The following CEP112 variants were observed in gnomAD, a reference collection of about 807,000 sequenced individuals.
CEP112 encodes centrosomal protein 112, also known as centrosomal protein of 112 kDa.
Under a neutral mutation model 153.0 loss-of-function variants are expected in CEP112, and 127 were observed. The ratio of observed to expected loss-of-function variants is 0.83; its 90% CI spans 0.72 to 0.96. The LOEUF is 0.96. CEP112 is among the 40% of genes least tolerant of loss of function. CEP112 has a pLI of 0.00. For synonymous variants in CEP112, 358 were observed against 374.4 expected (o/e 0.96, Z 0.51); for missense variants, 1,089 against 1,101.2 (o/e 0.99, Z 0.16).
intron 16 of CEP112, among the ~76,000 whole-genome samples, chr17:66,010,581 G>A (rs140359945): frequency 1.1e-3 from 166 of 152,220 alleles, no homozygotes; most frequent in Non-Finnish European, 1.6e-3. Flanking sequence ...TCAGTATTAC[G>A]TTGGCTGTGG....
intron 21 of CEP112, among the ~76,000 whole-genome samples, chr17:65,834,781 A>ACT (rs2057235388): frequency 6.6e-6 from 1 of 152,220 alleles, no homozygotes; most frequent in African/African-American, 2.4e-5. Context: ...TGTGGAAGGC[A>ACT]GTATGGCCAT....
intron 20 of CEP112, among the ~76,000 whole-genome samples, chr17:65,859,650 T>C (rs780261767): frequency 1.3e-5 from 2 of 150,492 alleles, no homozygotes; most frequent in African/African-American, 2.4e-5. Context: ...CCTTTTAAAC[T>C]AGGAAGAAGA....
chr17:66,076,950 G>C (rs2067525076), intron 8 of CEP112, among the ~76,000 whole-genome samples: 1 of 152,178 alleles, frequency 6.6e-6, no homozygotes, highest in South Asian at 2.1e-4. Flanking sequence ...CCAGAAGAGA[G>C]ATAACCATCA....
intron 23 of CEP112, among the ~76,000 whole-genome samples, chr17:65,720,676 G>C (rs912211486): frequency 3.3e-5 from 5 of 152,130 alleles, no homozygotes; most frequent in African/African-American, 1.2e-4. Context: ...GATTAAGATA[G>C]ATTTATTTAA....
rs914246743 is a variant in CEP112 at position 65,966,944 on chromosome 17, C to A, written c.1737-5346G>T. On this transcript the variant is annotated intron_variant, in intron 17 of 26. Transcript: ENST00000535342. ...TCAACATAATCAATGCATGCAGGGC[C>A]ACAAGCCAAGGAACTGGGGCAGTGT... Among the ~76,000 whole-genome samples, 5 of 152,124 alleles carry A rather than the reference C, an allele frequency of 3.3e-5. No homozygotes were observed. In the East Asian group the frequency reaches 9.6e-4, roughly 29 times the overall value.
intron 19 of CEP112, among the ~76,000 whole-genome samples, chr17:65,920,299 T>A (rs1457447549): frequency 7.1e-6 from 1 of 140,160 alleles, no homozygotes; most frequent in East Asian, 2.2e-4. Flanking sequence ...TGAGCCGAGA[T>A]TGCACCACTG....
At chr17:66,096,681 TTTAA>T in intron 6 of CEP112, 49 bp from the exon 7 acceptor site, 5 of 1,183,048 alleles carry the variant, frequency 4.2e-6, no homozygotes, top group Non-Finnish European at 6.1e-6. Flanking sequence ...ATTTTGGAGT[TTTAA>T]TTATTATTTG....
At chr17:65,655,596 T>A (rs970457118) in intron 24 of CEP112, among the ~76,000 whole-genome samples, 9 of 152,244 alleles carry the variant, frequency 5.9e-5, no homozygotes, top group African/African-American at 2.2e-4. Flanking sequence ...TTTTCCTTTA[T>A]CCTTGCTTCT....
intron 13 of CEP112, among the ~76,000 whole-genome samples, chr17:66,029,535 A>G (rs541570525): frequency 2.8e-4 from 42 of 152,062 alleles, no homozygotes; most frequent in Non-Finnish European, 4.7e-4. Flanking sequence ...TGTCTCTACA[A>G]AAAAATAAAA....
At chr17:65,877,084 G>A (rs942843409) in intron 20 of CEP112, among the ~76,000 whole-genome samples, 6 of 152,200 alleles carry the variant, frequency 3.9e-5, no homozygotes, top group Non-Finnish European at 5.9e-5. Flanking sequence ...ACGTGTGTGT[G>A]GCTAGAGTCG....
intron 14 of CEP112, 133 bp from the exon 15 acceptor site, chr17:66,028,538 GA>G (rs2065321840): frequency 2.3e-6 from 1 of 427,286 alleles, no homozygotes; most frequent in African/African-American, 2.1e-5. Flanking sequence ...AAATTTGAAT[GA>G]AAAATGTTTT....
chr17:65,846,673 A>T (rs1276121549), intron 21 of CEP112, among the ~76,000 whole-genome samples: 1 of 152,180 alleles, frequency 6.6e-6, no homozygotes, highest in East Asian at 1.9e-4. Context: ...GGTTCACGCC[A>T]TTCTCTTGCC....
chr17:66,057,924 A>G (rs2066763195), intron 11 of CEP112, among the ~76,000 whole-genome samples: 2 of 151,734 alleles, frequency 1.3e-5, no homozygotes, highest in Admixed American at 6.6e-5. Context: ...AAAACCCCAT[A>G]TCTACAAAAA....
chr17:65,771,013 T>G (rs6416948), intron 21 of CEP112, among the ~76,000 whole-genome samples: 72,232 of 150,326 alleles, frequency 0.48, 19,043 homozygotes, highest in East Asian at 0.78. Context: ...CAAAATGGTA[T>G]ATTAAAACCT....
chr17:66,077,001 G>A (rs939831185), intron 8 of CEP112, among the ~76,000 whole-genome samples: 4 of 152,164 alleles, frequency 2.6e-5, no homozygotes, highest in South Asian at 2.1e-4. Flanking sequence ...CGTAGGAAAA[G>A]GGGGAGAATA....
chr17:65,905,604 T>C (rs112108715), intron 19 of CEP112, among the ~76,000 whole-genome samples: 1 of 152,174 alleles, frequency 6.6e-6, no homozygotes, highest in Admixed American at 6.5e-5. Context: ...ACTGGGTATA[T>C]ACCCAAAGGA....
In CEP112 at chr17:65,970,429, T is replaced by C. The variant is rs548282386; in HGVS notation, c.1737-8831A>G. 1.7e-3 allele frequency among the ~76,000 whole-genome samples: 182 copies of C among 104,224 alleles called. 18 individuals are homozygous for C. The highest frequency in any genetic ancestry group is 5.6e-3 in the African/African-American group (164 of 29,138). The allele number at this position is 104,224 out of a possible 152,430, so 68.4% of individuals were successfully genotyped here. A position where few individuals can be genotyped will look rare whatever the true frequency, so the allele number is the denominator to read the frequency against. On this transcript the variant is annotated intron_variant, in intron 17 of 26. Transcript: ENST00000535342. ...ACATCATGCATGTATATTACATGCA[T>C]GCACACATCATGCATGTATATTACA...
intron 12 of CEP112, chr17:66,043,241 T>C (rs570153995): frequency 2.4e-5 from 4 of 164,428 alleles, no homozygotes; most frequent in African/African-American, 9.6e-5. Context: ...AAAGGTAGCA[T>C]TAGCAATACC....
In CEP112 at chr17:66,188,406, C is replaced by G. The variant is rs184857893; in HGVS notation, c.-9+3591G>C. 8.1e-3 allele frequency among the ~76,000 whole-genome samples: 1,137 copies of G among 141,204 alleles called. 10 individuals carry two copies. The highest frequency in any genetic ancestry group is 0.028 in the African/African-American group (1,044 of 37,716). The allele number at this position is 141,204 out of a possible 152,430, so 92.6% of individuals were successfully genotyped here. On this transcript the variant is annotated intron_variant, in intron 1 of 26. Transcript: ENST00000535342. ...TCCTCACCATGGTCAAACCCCCCCC[C>G]ACCCCCGAGCCCTTATCTAATCCCA...
Sources: gnomAD v4.1 joint callset for allele counts (sites outside exome capture counted in the v4.1 genomes callset) on GRCh38, gnomAD v4.1.1 for gene constraint, MANE v1.5 for transcripts, NCBI Gene and HGNC (gene_info 2026-07-23, HGNC 2026-07-21) for gene names.